Variants in DIAPH2 observed in about 807,000 individuals in gnomAD.
DIAPH2 encodes protein diaphanous homolog 2.
In DIAPH2, 35 loss-of-function variants were observed where a neutral mutation model predicts 92.7. The observed-to-expected ratio is 0.38, with a 90% CI of 0.29 to 0.50. DIAPH2 has a LOEUF of 0.50. DIAPH2 is among the 20% of genes least tolerant of loss of function. The pLI, the probability that DIAPH2 is intolerant of heterozygous loss-of-function variation, is 0.94. For missense variants in DIAPH2, 701 were observed against 819.5 expected (o/e 0.86, Z 1.77); for synonymous variants, 301 against 280.4 (o/e 1.07, Z -0.73).
intron 4 of DIAPH2, among the ~76,000 whole-genome samples, chrX:96,842,032 G>A (rs2064939940): frequency 9.0e-6 from 1 of 111,136 alleles, no homozygotes; most frequent in South Asian, 3.8e-4. Context: ...CACCAGTTAA[G>A]GCAGGAACCG....
At chrX:97,321,004 C>T (rs1167753784) in intron 23 of DIAPH2, among the ~76,000 whole-genome samples, 3 of 111,624 alleles carry the variant, frequency 2.7e-5, no homozygotes, top group Non-Finnish European at 5.6e-5. Flanking sequence ...CTATGGTTGT[C>T]AGTTATCCTT....
intron 4 of DIAPH2, among the ~76,000 whole-genome samples, chrX:96,812,643 C>G (rs2064693885): frequency 8.9e-6 from 1 of 111,855 alleles, no homozygotes; most frequent in Admixed American, 9.5e-5. Context: ...TTCCTGCTTT[C>G]TCTTGTGGGC....
intron 1 of DIAPH2, among the ~76,000 whole-genome samples, chrX:96,698,168 A>T: frequency 8.9e-6 from 1 of 112,169 alleles, no homozygotes; most frequent in East Asian, 2.8e-4. Flanking sequence ...CCTTGCAGAG[A>T]CTAGCTTCTG....
chrX:97,280,691 T>G (rs978015551), intron 23 of DIAPH2, among the ~76,000 whole-genome samples: 6 of 111,044 alleles, frequency 5.4e-5, no homozygotes, highest in African/African-American at 2.0e-4. Context: ...TGGAATCATA[T>G]AGTTTTGATT....
intron 9 of DIAPH2, among the ~76,000 whole-genome samples, chrX:96,927,388 G>A (rs1422628652): frequency 9.5e-6 from 1 of 104,975 alleles, no homozygotes; most frequent in Non-Finnish European, 1.9e-5. Context: ...TTGAGCATAT[G>A]AATTTTGAAA....
intron 22 of DIAPH2, among the ~76,000 whole-genome samples, chrX:97,223,670 A>T (rs2067943258): frequency 9.0e-6 from 1 of 111,352 alleles, no homozygotes; most frequent in African/African-American, 3.3e-5. Flanking sequence ...ATATTTAATA[A>T]ACATTCTCTA....
At chrX:97,314,409 T>C (rs2068824120) in intron 23 of DIAPH2, among the ~76,000 whole-genome samples, 1 of 110,701 alleles carries the variant, frequency 9.0e-6, no homozygotes, top group East Asian at 2.8e-4. Context: ...TGAGATTCTG[T>C]CTCAAAAAAT....
At chrX:97,545,531 AAAATATAT>A (rs1422821427) in intron 26 of DIAPH2, among the ~76,000 whole-genome samples, 1 of 19,061 alleles carries the variant, frequency 5.2e-5, no homozygotes, top group African/African-American at 7.6e-5. Flanking sequence ...TGAAAAAAAA[AAAATATAT>A]ATATATATAT....
At chrX:97,019,892 A>G (rs2066286194) in intron 17 of DIAPH2, among the ~76,000 whole-genome samples, 1 of 112,414 alleles carries the variant, frequency 8.9e-6, no homozygotes, top group African/African-American at 3.2e-5. Context: ...AAAATCACAA[A>G]AGACTAGGAT....
chrX:96,909,031 A>G (rs1602620107), intron 5 of DIAPH2, among the ~76,000 whole-genome samples: 1 of 111,657 alleles, frequency 9.0e-6, no homozygotes, highest in Non-Finnish European at 1.9e-5. Flanking sequence ...TCAGCAATCC[A>G]TTGTTCCCTG....
intron 26 of DIAPH2, among the ~76,000 whole-genome samples, chrX:97,574,562 AC>A (rs1308280768): frequency 8.9e-6 from 1 of 111,825 alleles, no homozygotes; most frequent in Non-Finnish European, 1.9e-5. Context: ...CTGAATCTTA[AC>A]AGATGAGTAG....
intron 26 of DIAPH2, among the ~76,000 whole-genome samples, chrX:97,452,767 C>T (rs753646788): frequency 2.1e-3 from 234 of 112,190 alleles, no homozygotes; most frequent in African/African-American, 7.0e-3. Context: ...GAGTCACCCA[C>T]GTGAAAAGTC....
intron 17 of DIAPH2, among the ~76,000 whole-genome samples, chrX:97,019,633 C>T (rs748628523): frequency 1.0e-4 from 11 of 110,203 alleles, no homozygotes; most frequent in Admixed American, 3.9e-4. Flanking sequence ...AATATATATA[C>T]GGAATATATA....
chrX:97,249,464 G>A (rs1052540833), intron 23 of DIAPH2, among the ~76,000 whole-genome samples: 1 of 111,845 alleles, frequency 8.9e-6, no homozygotes, highest in Non-Finnish European at 1.9e-5. Context: ...GTATTAAAAT[G>A]TATGGGGCTG....
At chrX:97,396,626 ACT>A (rs2069707536) in intron 25 of DIAPH2, among the ~76,000 whole-genome samples, 1 of 111,013 alleles carries the variant, frequency 9.0e-6, no homozygotes, top group African/African-American at 3.3e-5. Context: ...ACAGAGTGAG[ACT>A]CTGTCTAAAA....
intron 23 of DIAPH2, among the ~76,000 whole-genome samples, chrX:97,299,895 A>T (rs1162192912): frequency 2.7e-5 from 3 of 111,938 alleles, no homozygotes; most frequent in African/African-American, 9.7e-5. Flanking sequence ...AAATATCAAG[A>T]CTAAATTGTA....
At chrX:97,142,582 G>A (rs775293170) in intron 22 of DIAPH2, among the ~76,000 whole-genome samples, 2 of 111,557 alleles carry the variant, frequency 1.8e-5, no homozygotes, top group African/African-American at 6.5e-5. Context: ...GTGAGGAACA[G>A]GATGTTTGAA....
rs187305117 is a variant in DIAPH2, at chrX:97,079,871, G to A, written c.2247+4610G>A. 1.8e-3 allele frequency among the ~76,000 whole-genome samples: 198 copies of A among 111,225 alleles called. 1 individual carries two copies. Among genetic ancestry groups the A allele is most frequent in the African/African-American group, 6.3e-3 (192 of 30,659 alleles). On this transcript the variant is annotated intron_variant, in intron 19 of 26. Transcript: ENST00000324765. The stretch of plus-strand genomic sequence containing the variant: ...GATGAATAAGAGAATGAGATTGGGA[G>A]AAGAGATATTTCCTTCGATATGTCA...
intron 24 of DIAPH2, among the ~76,000 whole-genome samples, chrX:97,355,230 G>T (rs1157979051): frequency 9.0e-6 from 1 of 111,220 alleles, no homozygotes; most frequent in Admixed American, 9.6e-5. Context: ...TCTGCATTTA[G>T]TTAGGCTTGA....
Sources: allele counts gnomAD v4.1 joint callset (sites outside exome capture counted in the v4.1 genomes callset), GRCh38; gene constraint gnomAD v4.1.1; transcripts MANE v1.5; gene names NCBI Gene and HGNC (gene_info 2026-07-23, HGNC 2026-07-21).